The following TSC2 variants were observed in gnomAD, a reference collection of about 807,000 sequenced individuals.
TSC2 encodes the protein TSC complex subunit 2, also known as tuberin.
In TSC2, 29 loss-of-function variants were observed where a neutral mutation model predicts 202.2. That is an observed-to-expected ratio of 0.14 (90% CI 0.11 to 0.20). TSC2 has a LOEUF of 0.20. Among genes scored for constraint, TSC2 ranks in the 10% least tolerant of loss-of-function variants. The pLI, the probability that TSC2 is intolerant of heterozygous loss-of-function variation, is 1.00. For missense variants in TSC2, 2,429 were observed against 2,420.0 expected (o/e 1.00, Z -0.08); for synonymous variants, 1,349 against 1,044.0 (o/e 1.29, Z -5.63).
At chr16:2,062,437 A>G in intron 12 of TSC2, 60 bp from the exon 13 acceptor site, 1 of 1,484,756 alleles carries the variant, frequency 6.7e-7, no homozygotes, top group African/African-American at 1.4e-5. Flanking sequence ...CCAGCAGCCC[A>G]GTGTGGAGAA....
At position 2,089,040 on chromosome 16, in the gene TSC2, G is replaced by C. The variant is rs553711172; in HGVS notation, c.*430G>C. On this transcript the variant is annotated 3_prime_UTR_variant, in exon 42 of 42. Transcript: ENST00000219476. ...CTGGGCGCTGCTCTCTTGCTACCTG[G>C]CCTGGGGCAAGGGAGGATGACAAGG... The C allele has an allele frequency of 5.1e-6, 1 of 197,920 alleles. No homozygotes were observed. The highest frequency in any genetic ancestry group is 2.3e-5 in the African/African-American group (1 of 42,850). 12.3% of individuals were successfully genotyped at this position (197,920 alleles called of 1,614,324 possible).
At chr16:2,050,831 T>C (rs564214528) in intron 3 of TSC2, among the ~76,000 whole-genome samples, 1 of 151,562 alleles carries the variant, frequency 6.6e-6, no homozygotes, top group East Asian at 2.0e-4. Context: ...TCGTGAACCA[T>C]ATGCCTCAGC....
chr16:2,082,632 A>G, intron 32 of TSC2, 128 bp downstream of exon 32: 1 of 1,049,116 alleles, frequency 9.5e-7, no homozygotes, highest in Non-Finnish European at 1.5e-6. Context: ...GCAGGTCCCG[A>G]CTCGCATGAG....
At chr16:2,068,844 G>C in intron 16 of TSC2, 1 of 135,466 alleles carries the variant, frequency 7.4e-6, no homozygotes, top group Admixed American at 8.6e-5. Context: ...TAGCACTCCA[G>C]CCTGGGCGAC....
intron 10 of TSC2, among the ~76,000 whole-genome samples, chr16:2,060,130 G>A (rs909502777): frequency 6.6e-6 from 1 of 152,176 alleles, no homozygotes; most frequent in Non-Finnish European, 1.5e-5. Context: ...TGGCACAGAC[G>A]CTGGTGGTAC....
Position 2,088,432 on chromosome 16 carries a change from G to C in TSC2, c.5260-14G>C. ...GCCTCCCAGACTTACTGCCCAAGCC[G>C]CCTCTGCCTTCAGATCTGCGAGGAA... On this transcript the variant is annotated splice_polypyrimidine_tract_variant and intron_variant, in intron 41 of 41. Coordinates refer to ENST00000219476, the MANE Select transcript of TSC2 (RefSeq NM_000548.5). 2 of 1,612,696 alleles carry C rather than the reference G, an allele frequency of 1.2e-6. No individual in the cohort carries two copies. The highest frequency in any genetic ancestry group is 1.3e-5 in the African/African-American group (1 of 75,038).
At chr16:2,061,253 C>T (rs570252843) in intron 11 of TSC2, 13 of 299,810 alleles carry the variant, frequency 4.3e-5, no homozygotes, top group African/African-American at 8.6e-5. Flanking sequence ...CCTGGGGAGG[C>T]GAGGCTAGTA....
At position 2,078,080 on chromosome 16, in the gene TSC2, G is replaced by A. The variant is rs200613439; in HGVS notation, c.2966+354G>A. Among the ~76,000 whole-genome samples, 10 of 152,288 alleles carry A rather than the reference G, an allele frequency of 6.6e-5. No homozygotes were observed. In the East Asian group the frequency reaches 9.6e-4, roughly 15 times the overall value. On this transcript the variant is annotated intron_variant, in intron 26 of 41. Coordinates refer to ENST00000219476, the MANE Select transcript of TSC2 (RefSeq NM_000548.5). ...TTCTCTAGAATGGACGTTTTTCTTC[G>A]GGCTTTCTTCTCAACAAGGTTTATT...
Position 2,075,783 on chromosome 16 carries a change from C to T in TSC2, c.2546-16C>T, listed in dbSNP as rs773863945. ...CGGGACCCCGGCTCCCCTGACCACC[C>T]TCTCCATTACCGCAGCTCTGGCCAG... is the stretch of plus-strand genomic sequence containing the variant. On this transcript the variant is annotated splice_polypyrimidine_tract_variant and intron_variant, in intron 22 of 41. Transcript: ENST00000219476. The T allele has an allele frequency of 6.2e-7, 1 of 1,611,826 alleles. No individual in the cohort carries two copies. The highest frequency in any genetic ancestry group is 1.1e-5 in the South Asian group (1 of 91,070).
chr16:2,079,119 C>T lies in TSC2; in HGVS notation c.3054C>T (p.Leu1018=), dbSNP rs762570079. 12 of 1,612,956 alleles carry T rather than the reference C, an allele frequency of 7.4e-6. No homozygotes were observed. The East Asian group carries it at 2.5e-4, about 33-fold the overall frequency. The change falls in exon 27 of 42, where the codon CTC becomes CTT. Residue 1018 remains leucine, a synonymous_variant. Transcript: ENST00000219476. This position sits in a 1 kb window ranked among gnomAD's most constrained non-coding sequence, Gnocchi z 4.6. ...VAQADDSLKN[L]HLELTETCLD... is the part of the protein sequence containing the mutation. Reference sequence around the variant, plus strand: ...AGGCTGACGATAGCCTGAAAAACCTCCACCTGGAGCTCACGGAAACCTGTC... The same window carrying T: ...AGGCTGACGATAGCCTGAAAAACCTTCACCTGGAGCTCACGGAAACCTGTC...
rs1412197969 is a variant in TSC2 at position 2,089,488 on chromosome 16, G to A, written c.*878G>A. On this transcript the variant is annotated 3_prime_UTR_variant, in exon 42 of 42. Transcript: ENST00000219476. ...AAATAAATTAGCATCTCAGAGGCTAGAAACCGTCCAATACTGCTGTGTCCT... is the reference window on the plus strand; with the variant it reads ...AAATAAATTAGCATCTCAGAGGCTAAAAACCGTCCAATACTGCTGTGTCCT... The A allele has an allele frequency of 6.9e-6, 4 of 580,174 alleles. No homozygotes were observed. The highest frequency in any genetic ancestry group is 5.7e-5 in the East Asian group (2 of 34,914). 35.9% of individuals were successfully genotyped at this position (580,174 alleles called of 1,614,324 possible).
rs781075483 is a variant in TSC2, at chr16:2,048,723, G to T, written c.108G>T (p.Thr36=). The change falls in exon 2 of 42, where the codon ACG becomes ACT. Residue 36 remains threonine, a synonymous_variant. Coordinates refer to ENST00000219476, the MANE Select transcript of TSC2 (RefSeq NM_000548.5). ...PNPRSAEGKQ[T]EFIITAEILR... ...CCAGGTCTGCAGAGGGTAAACAGACGGAGTTTATCATCACCGCGGAAATAC... is the reference window on the plus strand; with the variant it reads ...CCAGGTCTGCAGAGGGTAAACAGACTGAGTTTATCATCACCGCGGAAATAC... 1.2e-6 allele frequency: 2 copies of T among 1,614,054 alleles called. No individual in the cohort carries two copies. Among genetic ancestry groups the T allele is most frequent in the Non-Finnish European group, 1.7e-6 (2 of 1,180,032 alleles).
chr16:2,077,773 C>T (rs1175165813), intron 26 of TSC2, 47 bp downstream of exon 26: 42 of 1,606,614 alleles, frequency 2.6e-5, no homozygotes, highest in Middle Eastern at 2.0e-4. Flanking sequence ...AGCTTGGCCC[C>T]GTGAGCACCT....
chr16:2,083,021 C>T (rs917767042), intron 32 of TSC2: 2 of 440,030 alleles, frequency 4.5e-6, no homozygotes, highest in South Asian at 3.2e-5. Context: ...GCTCCCCTGC[C>T]AGGTCTCCAC....
At chr16:2,059,308 A>G (rs996318865) in intron 10 of TSC2, among the ~76,000 whole-genome samples, 2 of 146,084 alleles carry the variant, frequency 1.4e-5, no homozygotes, top group East Asian at 2.0e-4. Flanking sequence ...GTGAGCCACC[A>G]TGCCTGGCCA....
chr16:2,070,682 G>T (rs998364127), intron 17 of TSC2, 104 bp downstream of exon 17: 3 of 1,560,058 alleles, frequency 1.9e-6, no homozygotes, highest in Non-Finnish European at 2.6e-6. Context: ...CCCAGGATGG[G>T]GCCTCAGCTG....
At chr16:2,077,442 C>T (rs2089548626) in intron 25 of TSC2, 156 bp from the exon 26 acceptor site, 4 of 1,104,536 alleles carry the variant, frequency 3.6e-6, no homozygotes, top group South Asian at 2.8e-5. Context: ...GCTAACTGCC[C>T]TTTGGCATGG....
At position 2,087,781 on chromosome 16, in the gene TSC2, T is replaced by C. The variant is rs927416212; in HGVS notation, c.4990-82T>C. ...GCTGCCCATGGAGCTGACAGGTGTC[T>C]AGCAGTGCAACCAGGCAGTAGCCGA... is the stretch of plus-strand genomic sequence containing the variant. On this transcript the variant is annotated intron_variant, in intron 38 of 41. Coordinates refer to ENST00000219476, the MANE Select transcript of TSC2 (RefSeq NM_000548.5). The C allele has an allele frequency of 8.6e-6, 13 of 1,507,242 alleles. No individual in the cohort carries two copies. The African/African-American group carries it at 1.4e-4, about 16-fold the overall frequency. The allele number at this position is 1,507,242 out of a possible 1,614,324, so 93.4% of individuals were successfully genotyped here. A position where few individuals can be genotyped will look rare whatever the true frequency, so the allele number is the denominator to read the frequency against.
chr16:2,088,892 C>CACAA lies in TSC2; in HGVS notation c.*285_*286insAACA. On this transcript the variant is annotated 3_prime_UTR_variant, in exon 42 of 42. Transcript: ENST00000219476. ...GCGCGTGCGCGCGCGCACACACACA[C>CACAA]ACACACAGTCACCTTCCTCCACCCT... 1 of 445,962 alleles carries CACAA rather than the reference C, an allele frequency of 2.2e-6. No individual in the cohort carries two copies. Among genetic ancestry groups the CACAA allele is most frequent in the Admixed American group, 3.9e-5 (1 of 25,904 alleles). The allele number at this position is 445,962 out of a possible 1,614,324, so 27.6% of individuals were successfully genotyped here.
Sources: gnomAD v4.1 joint callset for allele counts (sites outside exome capture counted in the v4.1 genomes callset) on GRCh38, gnomAD v4.1.1 for gene constraint, Gnocchi (gnomAD v3.1) non-coding constraint, MANE v1.5 for transcripts, NCBI Gene and HGNC (gene_info 2026-07-23, HGNC 2026-07-21) for gene names.